Variants in LMOD1 observed in about 807,000 individuals in gnomAD.
The protein encoded by LMOD1 is leiomodin-1.
Under a neutral mutation model 36.5 loss-of-function variants are expected in LMOD1, and 8 were observed. That is an observed-to-expected ratio of 0.22 (90% CI 0.13 to 0.40). The LOEUF is 0.40. Ranked by LOEUF, LMOD1 falls within the 10% of genes least tolerant of loss-of-function variation. The probability of loss-of-function intolerance (pLI) is 1.00; values close to 1 mark genes in which losing one functional copy is unlikely to be tolerated. For missense variants in LMOD1, 630 were observed against 751.1 expected (o/e 0.84, Z 1.88); for synonymous variants, 284 against 288.7 (o/e 0.98, Z 0.17).
At chr1:201,918,580 C>T (rs1057479427) in intron 1 of LMOD1, among the ~76,000 whole-genome samples, 3 of 152,172 alleles carry the variant, frequency 2.0e-5, no homozygotes, top group African/African-American at 7.2e-5. Context: ...ATGCTGGGCT[C>T]TCTTGGGTCT....
At position 201,897,201 on chromosome 1, in the gene LMOD1, T is replaced by C. The variant is rs1681210813; in HGVS notation, c.*1171A>G. 5.3e-6 allele frequency: 1 copy of C among 189,010 alleles called. No homozygotes were observed. The highest frequency in any genetic ancestry group is 2.3e-5 in the African/African-American group (1 of 42,698). 11.7% of individuals were successfully genotyped at this position (189,010 alleles called of 1,614,324 possible). On this transcript the variant is annotated 3_prime_UTR_variant, in exon 3 of 3. Coordinates refer to ENST00000367288, the MANE Select transcript of LMOD1 (RefSeq NM_012134.3). ...ACAGATATGGGTGCTATTCTCCAAA[T>C]AGTCACTCCACTTCTCTGCCTGCCG...
At chr1:201,943,018 G>T (rs1386932353) in intron 1 of LMOD1, among the ~76,000 whole-genome samples, 1 of 152,176 alleles carries the variant, frequency 6.6e-6, no homozygotes, top group African/African-American at 2.4e-5. Context: ...TCCACACTTA[G>T]TTTTTCTAGT....
chr1:201,906,423 C>A (rs1681413814), intron 1 of LMOD1, among the ~76,000 whole-genome samples: 1 of 152,220 alleles, frequency 6.6e-6, no homozygotes, highest in South Asian at 2.1e-4. Flanking sequence ...CCACCAAGAA[C>A]TGGGGCTCTG....
chr1:201,935,253 G>A (rs540626995), intron 1 of LMOD1, among the ~76,000 whole-genome samples: 2 of 152,162 alleles, frequency 1.3e-5, no homozygotes, highest in South Asian at 2.1e-4. Context: ...ACTGGCTGAC[G>A]CATTGGGGGA....
chr1:201,940,713 T>C (rs1366677959), intron 1 of LMOD1, among the ~76,000 whole-genome samples: 2 of 148,620 alleles, frequency 1.3e-5, no homozygotes, highest in African/African-American at 2.5e-5. Context: ...GCCTCCCAAG[T>C]AGCTGGACTA....
At chr1:201,907,667 G>C (rs991087794) in intron 1 of LMOD1, among the ~76,000 whole-genome samples, 3 of 152,000 alleles carry the variant, frequency 2.0e-5, no homozygotes, top group African/African-American at 7.3e-5. Context: ...GGTGACAGAG[G>C]CCAGGGTGGA....
At chr1:201,923,847 C>T (rs77445667) in intron 1 of LMOD1, among the ~76,000 whole-genome samples, 4 of 134,154 alleles carry the variant, frequency 3.0e-5, no homozygotes, top group African/African-American at 1.1e-4. Flanking sequence ...CCTGGGTGAC[C>T]GGGAGTGTGA....
At chr1:201,909,265 G>T (rs1378794006) in intron 1 of LMOD1, among the ~76,000 whole-genome samples, 2 of 152,218 alleles carry the variant, frequency 1.3e-5, no homozygotes, top group Non-Finnish European at 2.9e-5. Context: ...GTGGGGCGTA[G>T]CATGCAGCCC....
At chr1:201,940,090 C>T (rs959691761) in intron 1 of LMOD1, among the ~76,000 whole-genome samples, 7 of 152,064 alleles carry the variant, frequency 4.6e-5, no homozygotes, top group South Asian at 2.1e-4. Flanking sequence ...ATCTATATCC[C>T]GCTCTCACTG....
In LMOD1 at chr1:201,899,137, CG is replaced by C; in HGVS notation, c.1776+99del. 1 of 1,098,332 alleles carries C rather than the reference CG, an allele frequency of 9.1e-7. No individual in the cohort carries two copies. Among genetic ancestry groups the C allele is most frequent in the East Asian group, 2.6e-5 (1 of 38,574 alleles). 68.0% of individuals were successfully genotyped at this position (1,098,332 alleles called of 1,614,324 possible). A position where few individuals can be genotyped will look rare whatever the true frequency, so the allele number is the denominator to read the frequency against. ...CCTGGGAGTCTATATCATCTGCAGC[CG>C]ACATAAGCTCCTCTGCATGCCTTCC... is the stretch of plus-strand genomic sequence containing the variant. On this transcript the variant is annotated intron_variant, in intron 2 of 2. Coordinates refer to ENST00000367288, the MANE Select transcript of LMOD1 (RefSeq NM_012134.3). This position sits in a 1 kb window ranked among gnomAD's most constrained non-coding sequence, Gnocchi z 6.3.
chr1:201,941,045 C>A (rs1029873872), intron 1 of LMOD1, among the ~76,000 whole-genome samples: 2 of 151,000 alleles, frequency 1.3e-5, no homozygotes, highest in Non-Finnish European at 2.9e-5. Flanking sequence ...CCGTGCCTGG[C>A]CATTTTTTTT....
intron 1 of LMOD1, among the ~76,000 whole-genome samples, chr1:201,925,093 T>C (rs1028376036): frequency 4.0e-5 from 6 of 151,878 alleles, no homozygotes; most frequent in Non-Finnish European, 8.8e-5. Context: ...CGCCCACCTG[T>C]AAGCCCAGCT....
chr1:201,901,655 T>TA (rs1681325271), intron 1 of LMOD1, among the ~76,000 whole-genome samples: 1 of 90,938 alleles, frequency 1.1e-5, no homozygotes, highest in South Asian at 3.7e-4. Flanking sequence ...TATACATATA[T>TA]ATGTGTATAT....
chr1:201,931,157 T>C (rs1681910666), intron 1 of LMOD1, among the ~76,000 whole-genome samples: 1 of 152,178 alleles, frequency 6.6e-6, no homozygotes, highest in Non-Finnish European at 1.5e-5. Flanking sequence ...AAAGGTCGTG[T>C]GGAGGCAGGA....
chr1:201,904,764 G>A (rs1681385893), intron 1 of LMOD1, among the ~76,000 whole-genome samples: 1 of 152,222 alleles, frequency 6.6e-6, no homozygotes, highest in Admixed American at 6.5e-5. Flanking sequence ...AATGAGAGGG[G>A]CTGGAGCTTG....
chr1:201,944,033 G>A (rs963204659), intron 1 of LMOD1, among the ~76,000 whole-genome samples: 2 of 152,142 alleles, frequency 1.3e-5, no homozygotes, highest in African/African-American at 4.8e-5. Flanking sequence ...CATGCACCCC[G>A]AACTCCAGCC....
rs149724228 is a variant in LMOD1 at position 201,945,797 on chromosome 1, T to C, written c.261+283A>G. ...GACCAGGATGGAGTCAACTTGACAA[T>C]GGACTCTTCAAGGACACCTTCCAGC... On this transcript the variant is annotated intron_variant, in intron 1 of 2. Transcript: ENST00000367288. Among the ~76,000 whole-genome samples, 14 of 152,268 alleles carry C rather than the reference T, an allele frequency of 9.2e-5. 2 individuals carry two copies. The highest frequency in any genetic ancestry group is 3.4e-4 in the African/African-American group (14 of 41,540).
In LMOD1 at chr1:201,899,159, C is replaced by T. The variant is rs1300902878; in HGVS notation, c.1776+78G>A. ...AGCCGACATAAGCTCCTCTGCATGC[C>T]TTCCCTTTTGCAGTCCTACCCTCTC... is the stretch of plus-strand genomic sequence containing the variant. On this transcript the variant is annotated intron_variant, in intron 2 of 2. Coordinates refer to ENST00000367288, the MANE Select transcript of LMOD1 (RefSeq NM_012134.3). The surrounding 1 kb of genome is among the most constrained non-coding windows in gnomAD (Gnocchi z 6.3). 9 of 1,324,704 alleles carry T rather than the reference C, an allele frequency of 6.8e-6. No homozygotes were observed. In the East Asian group the frequency reaches 2.0e-4, roughly 29 times the overall value. 82.1% of individuals were successfully genotyped at this position (1,324,704 alleles called of 1,614,324 possible). A position where few individuals can be genotyped will look rare whatever the true frequency, so the allele number is the denominator to read the frequency against.
Position 201,899,447 on chromosome 1 carries a change from C to T in LMOD1, c.1566G>A (p.Lys522=). The T allele has an allele frequency of 6.2e-7, 1 of 1,613,800 alleles. No individual in the cohort carries two copies. Among genetic ancestry groups the T allele is most frequent in the Non-Finnish European group, 8.5e-7 (1 of 1,179,832 alleles). ...SPQPSPKPSP[K]NSPKKGGAPA... ...GAGCACCCCCTTTTTTGGGTGAGTTCTTTGGAGAGGGCTTTGGAGATGGTT... is the reference window on the plus strand; with the variant it reads ...GAGCACCCCCTTTTTTGGGTGAGTTTTTTGGAGAGGGCTTTGGAGATGGTT... The change falls in exon 2 of 3, where the codon AAG becomes AAA. Residue 522 remains lysine (K), a synonymous_variant. Transcript: ENST00000367288. This position sits in a 1 kb window ranked among gnomAD's most constrained non-coding sequence, Gnocchi z 6.3.
Sources: allele counts gnomAD v4.1 joint callset (sites outside exome capture counted in the v4.1 genomes callset), GRCh38; gene constraint gnomAD v4.1.1; non-coding constraint Gnocchi (gnomAD v3.1); transcripts MANE v1.5; gene names NCBI Gene and HGNC (gene_info 2026-07-23, HGNC 2026-07-21).